PRKG1: variants seen among roughly 807,000 people sequenced by gnomAD.
PRKG1 encodes the protein protein kinase cGMP-dependent 1.
A neutral mutation model predicts 88.1 loss-of-function variants in PRKG1; 35 were observed. The observed-to-expected ratio is 0.40, with a 90% CI of 0.30 to 0.53. PRKG1 has a LOEUF of 0.53. PRKG1 is among the 20% of genes least tolerant of loss of function. The pLI is 0.59. For synonymous variants in PRKG1, 303 were observed against 292.5 expected, an observed-to-expected ratio of 1.04 and a Z score of -0.37; for missense variants, 540 against 839.8, an observed-to-expected ratio of 0.64 and a Z score of 4.41.
intron 2 of PRKG1, among the ~76,000 whole-genome samples, chr10:51,224,629 A>G (rs1838640335): frequency 6.6e-6 from 1 of 152,148 alleles, no homozygotes; most frequent in African/African-American, 2.4e-5. Flanking sequence ...TGAGAAAGTT[A>G]TTACATACAT....
At chr10:51,354,984 G>A (rs1842334356) in intron 2 of PRKG1, among the ~76,000 whole-genome samples, 1 of 152,058 alleles carries the variant, frequency 6.6e-6, no homozygotes, top group Non-Finnish European at 1.5e-5. Context: ...GCAAATTTCA[G>A]ACTCAGATGC....
chr10:52,143,220 G>A (rs1280136697), intron 8 of PRKG1, among the ~76,000 whole-genome samples: 1 of 152,110 alleles, frequency 6.6e-6, no homozygotes, highest in East Asian at 1.9e-4. Flanking sequence ...CCACCCCCCA[G>A]CCTTCCCCAT....
At chr10:51,292,437 C>T (rs1184980097) in intron 2 of PRKG1, among the ~76,000 whole-genome samples, 5 of 152,228 alleles carry the variant, frequency 3.3e-5, no homozygotes, top group African/African-American at 4.8e-5. Context: ...AAAGAAAGGA[C>T]GTATTTTCTA....
At chr10:51,659,680 GT>G in intron 3 of PRKG1, among the ~76,000 whole-genome samples, 1 of 152,212 alleles carries the variant, frequency 6.6e-6, no homozygotes, top group South Asian at 2.1e-4. Context: ...GTTTTGTGAA[GT>G]TTGAAGCCTA....
At chr10:51,749,932 C>CTTT (rs1179911606) in intron 3 of PRKG1, among the ~76,000 whole-genome samples, 7 of 131,730 alleles carry the variant, frequency 5.3e-5, no homozygotes, top group African/African-American at 1.1e-4. Flanking sequence ...CTCTAATAGT[C>CTTT]TTTTTTTTTT....
chr10:51,695,244 G>A (rs73343313), intron 3 of PRKG1, among the ~76,000 whole-genome samples: 2,752 of 152,230 alleles, frequency 0.018, 93 homozygotes, highest in African/African-American at 0.062. Context: ...GGGAACATAA[G>A]CTTAATATCT....
At chr10:51,726,834 T>G (rs1037404944) in intron 3 of PRKG1, among the ~76,000 whole-genome samples, 1 of 152,192 alleles carries the variant, frequency 6.6e-6, no homozygotes, top group Non-Finnish European at 1.5e-5. Flanking sequence ...TGGAGTGCAG[T>G]GGCACGATCT....
chr10:51,118,096 A>G (rs1417616430), intron 1 of PRKG1, among the ~76,000 whole-genome samples: 1 of 152,178 alleles, frequency 6.6e-6, no homozygotes, highest in Non-Finnish European at 1.5e-5. Context: ...GATCCTTCCT[A>G]ACCCTGAGAG....
At chr10:52,162,066 A>G (rs2132688901) in intron 9 of PRKG1, 103 bp downstream of exon 9, 1 of 957,230 alleles carries the variant, frequency 1.0e-6, no homozygotes, top group Non-Finnish European at 1.6e-6. Context: ...CTGACAGGAA[A>G]CAACTAATTA....
At chr10:51,199,916 T>C (rs1401844645) in intron 2 of PRKG1, among the ~76,000 whole-genome samples, 1 of 152,188 alleles carries the variant, frequency 6.6e-6, no homozygotes, top group African/African-American at 2.4e-5. Flanking sequence ...AAATGAACAC[T>C]CCTCAAGTGA....
At chr10:51,047,428 T>C (rs547658852) in intron 1 of PRKG1, among the ~76,000 whole-genome samples, 84 of 152,218 alleles carry the variant, frequency 5.5e-4, no homozygotes, top group South Asian at 1.7e-3. Flanking sequence ...TGTTGATGGA[T>C]TGGACTTGTT....
intron 7 of PRKG1, among the ~76,000 whole-genome samples, chr10:52,112,292 T>A (rs1460586751): frequency 2.0e-5 from 3 of 152,226 alleles, no homozygotes; most frequent in African/African-American, 7.2e-5. Context: ...TCTTGTATTA[T>A]AATTATTTTG....
In PRKG1 at chr10:51,104,697, A is replaced by ATTTT. The variant is rs3060161; in HGVS notation, c.311+29797_311+29800dup. 2.4e-3 allele frequency among the ~76,000 whole-genome samples: 255 copies of ATTTT among 106,606 alleles called. 2 individuals are homozygous for ATTTT. Among genetic ancestry groups the ATTTT allele is most frequent in the East Asian group, 8.0e-3 (28 of 3,482 alleles). 69.9% of individuals were successfully genotyped at this position (106,606 alleles called of 152,430 possible). A position where few individuals can be genotyped will look rare whatever the true frequency, so the allele number is the denominator to read the frequency against. On this transcript the variant is annotated intron_variant, in intron 1 of 17. Coordinates refer to ENST00000373980, the MANE Select transcript of PRKG1 (RefSeq NM_006258.4). ...CCACACCTGGCTAATTTTTATTTTTATTTTATTTATTTATTTATTTATTTA... is the reference window on the plus strand; with the variant it reads ...CCACACCTGGCTAATTTTTATTTTTATTTTTTTTATTTATTTATTTATTTATTTA...
intron 2 of PRKG1, among the ~76,000 whole-genome samples, chr10:51,282,326 A>G (rs556639578): frequency 1.3e-5 from 2 of 152,292 alleles, no homozygotes; most frequent in Admixed American, 6.5e-5. Context: ...TCTTAGCTAT[A>G]CATGTCTGAA....
At chr10:51,004,372 G>A (rs1019593695) in intron 1 of PRKG1, among the ~76,000 whole-genome samples, 1 of 152,078 alleles carries the variant, frequency 6.6e-6, no homozygotes, top group African/African-American at 2.4e-5. Context: ...GGCAGGAGAA[G>A]TGCTTGAACC....
chr10:51,065,487 A>AT (rs894897357), intron 1 of PRKG1, among the ~76,000 whole-genome samples: 5 of 151,826 alleles, frequency 3.3e-5, no homozygotes, highest in Admixed American at 6.6e-5. Context: ...ATAGGGATGT[A>AT]TTTTTTTTCC....
intron 9 of PRKG1, among the ~76,000 whole-genome samples, chr10:52,172,209 T>A (rs1337060752): frequency 6.6e-6 from 1 of 152,364 alleles, no homozygotes; most frequent in Non-Finnish European, 1.5e-5. Context: ...AATCCCAGTA[T>A]GTGCTTGCTT....
chr10:51,431,777 T>C (rs1838777301), intron 2 of PRKG1, among the ~76,000 whole-genome samples: 1 of 152,154 alleles, frequency 6.6e-6, no homozygotes, highest in African/African-American at 2.4e-5. Flanking sequence ...AAGGACAATT[T>C]AAATGGCATA....
At chr10:51,944,506 G>A (rs539693452) in intron 5 of PRKG1, among the ~76,000 whole-genome samples, 2 of 152,028 alleles carry the variant, frequency 1.3e-5, no homozygotes, top group East Asian at 3.9e-4. Flanking sequence ...GCTTTTGAAT[G>A]TGTTTGCTCT....
Sources: gnomAD v4.1 joint callset for allele counts (sites outside exome capture counted in the v4.1 genomes callset) on GRCh38, gnomAD v4.1.1 for gene constraint, MANE v1.5 for transcripts, NCBI Gene and HGNC (gene_info 2026-07-23, HGNC 2026-07-21) for gene names.